The following TEX9 variants were observed in gnomAD, a reference collection of about 807,000 sequenced individuals.
TEX9 encodes the protein testis-expressed protein 9.
Under a neutral mutation model 59.6 loss-of-function variants are expected in TEX9, and 74 were observed. The ratio of observed to expected loss-of-function variants is 1.24; its 90% CI spans 1.03 to 1.51. The LOEUF (loss-of-function observed/expected upper bound fraction) is 1.51, where lower values mean the gene tolerates loss of function less well. TEX9 is among the 40% of genes most tolerant of loss of function. TEX9 has a pLI of 0.00. For missense variants in TEX9, 522 were observed against 447.8 expected, an observed-to-expected ratio of 1.17 and a Z score of -1.49; for synonymous variants, 186 against 152.2, an observed-to-expected ratio of 1.22 and a Z score of -1.64.
upstream of TEX9, among the ~76,000 whole-genome samples, chr15:56,362,089 G>A (rs2046800673): frequency 6.6e-6 from 1 of 152,128 alleles, no homozygotes; most frequent in Non-Finnish European, 1.5e-5. Flanking sequence ...TTCTAGCTTG[G>A]TGAATGTTCC....
chr15:56,389,462 T>A (rs1441963223), intron 6 of TEX9, 62 bp downstream of exon 6: 8 of 1,183,454 alleles, frequency 6.8e-6, no homozygotes, highest in Admixed American at 4.1e-5. Flanking sequence ...ATACCATCAT[T>A]CTTAATTATT....
intron 2 of TEX9, among the ~76,000 whole-genome samples, chr15:56,367,334 C>T (rs1025103556): frequency 6.6e-6 from 1 of 152,150 alleles, no homozygotes; most frequent in Admixed American, 6.5e-5. Flanking sequence ...GTCTGGCCAT[C>T]CCTGTAAGCA....
At chr15:56,259,545 G>A (rs1193028773) in intron 1 of TEX9, among the ~76,000 whole-genome samples, 1 of 151,876 alleles carries the variant, frequency 6.6e-6, no homozygotes, top group Non-Finnish European at 1.5e-5. Context: ...CATCATTGTT[G>A]TACATCAAGT....
chr15:56,378,136 G>A (rs1202712021), intron 3 of TEX9, among the ~76,000 whole-genome samples: 1 of 152,070 alleles, frequency 6.6e-6, no homozygotes, highest in Non-Finnish European at 1.5e-5. Flanking sequence ...AGTATTTTTT[G>A]AGGATTTTTG....
At chr15:56,276,685 A>G (rs1406091699) in intron 1 of TEX9, among the ~76,000 whole-genome samples, 2 of 152,176 alleles carry the variant, frequency 1.3e-5, no homozygotes, top group Non-Finnish European at 2.9e-5. Flanking sequence ...TCCTTTGAGT[A>G]TATACCCAAT....
intron 1 of TEX9, among the ~76,000 whole-genome samples, chr15:56,311,365 TC>T: frequency 7.1e-6 from 1 of 141,336 alleles, no homozygotes; most frequent in East Asian, 2.1e-4. Flanking sequence ...CATTGTTCAG[TC>T]CCCACCTATG....
intron 1 of TEX9, among the ~76,000 whole-genome samples, chr15:56,286,870 A>G (rs2044965366): frequency 1.4e-5 from 1 of 71,160 alleles, no homozygotes; most frequent in Non-Finnish European, 2.9e-5. Context: ...TGGGTTTTGC[A>G]TGTAATTTGG....
At chr15:56,446,886 C>T (rs2050908740), downstream of TEX9, 2 of 1,610,366 alleles carry the variant, frequency 1.2e-6, no homozygotes, top group African/African-American at 1.3e-5. Context: ...TCTGAGCTGC[C>T]CTTTCTTTAT....
intron 9 of TEX9, chr15:56,398,073 C>A (rs1415094830): frequency 6.6e-6 from 1 of 152,160 alleles, no homozygotes; most frequent in Admixed American, 6.5e-5. Context: ...TTTCCCCACT[C>A]ATCTAGTAAT....
At chr15:56,265,779 G>T (rs900038063) in intron 1 of TEX9, among the ~76,000 whole-genome samples, 3 of 151,822 alleles carry the variant, frequency 2.0e-5, no homozygotes, top group Non-Finnish European at 4.4e-5. Context: ...CTTGGTGAAG[G>T]TTTCATATTT....
At chr15:56,411,117 A>G (rs2140133328) in intron 9 of TEX9, among the ~76,000 whole-genome samples, 1 of 152,330 alleles carries the variant, frequency 6.6e-6, no homozygotes, top group Non-Finnish European at 1.5e-5. Flanking sequence ...TTTCAACTCT[A>G]TAATATTTAT....
At chr15:56,270,449 T>C (rs1490795483) in intron 1 of TEX9, among the ~76,000 whole-genome samples, 1 of 152,196 alleles carries the variant, frequency 6.6e-6, no homozygotes, top group Admixed American at 6.5e-5. Flanking sequence ...GTCTGTTTTA[T>C]CAGAGACCAA....
chr15:56,457,000 T>C, the TEX9 span, among the ~76,000 whole-genome samples: 2 of 152,338 alleles, frequency 1.3e-5, no homozygotes, highest in South Asian at 4.1e-4. Context: ...CATGTTCATA[T>C]TCAAGCTTTC....
At position 56,272,815 on chromosome 15, in the gene TEX9, G is replaced by C. The variant is rs755862197; in HGVS notation, c.-107+28537G>C. 4.0e-4 allele frequency among the ~76,000 whole-genome samples: 61 copies of C among 152,198 alleles called. 1 individual carries two copies. The highest frequency in any genetic ancestry group is 9.2e-4 in the Admixed American group (14 of 15,290). ...TTAAATGAAATTATTGATATTGTCAGATTTAAATCTATCATCTTGCTAGTT... is the reference window on the plus strand; with the variant it reads ...TTAAATGAAATTATTGATATTGTCACATTTAAATCTATCATCTTGCTAGTT... On this transcript the variant is annotated intron_variant, in intron 1 of 5. Coordinates refer to the TEX9 transcript ENST00000560827.
At chr15:56,392,967 T>C (rs1368628864) in intron 7 of TEX9, among the ~76,000 whole-genome samples, 2 of 152,156 alleles carry the variant, frequency 1.3e-5, no homozygotes, top group African/African-American at 2.4e-5. Context: ...GGTTTGGTTA[T>C]GTGTGGGAGA....
chr15:56,402,385 AG>A (rs2048840957), intron 9 of TEX9, among the ~76,000 whole-genome samples: 1 of 152,232 alleles, frequency 6.6e-6, no homozygotes, highest in Non-Finnish European at 1.5e-5. Flanking sequence ...TAGAAAATCT[AG>A]AAGAAATGGA....
At chr15:56,439,148 A>T (rs1188694400) in intron 12 of TEX9, among the ~76,000 whole-genome samples, 1 of 152,190 alleles carries the variant, frequency 6.6e-6, no homozygotes, top group Non-Finnish European at 1.5e-5. Context: ...GAGTACACGG[A>T]CACCAAAATA....
chr15:56,272,326 A>C (rs1180572316), intron 1 of TEX9, among the ~76,000 whole-genome samples: 1 of 152,074 alleles, frequency 6.6e-6, no homozygotes, highest in Non-Finnish European at 1.5e-5. Context: ...TTATTTCTCT[A>C]TGGATTTTCA....
Position 56,394,266 on chromosome 15 carries a change from T to G in TEX9, c.654+19T>G, listed in dbSNP as rs772154488. 1.7e-5 allele frequency: 26 copies of G among 1,568,580 alleles called. No individual in the cohort carries two copies. In the South Asian group the frequency reaches 2.6e-4, roughly 16 times the overall value. On this transcript the variant is annotated intron_variant, in intron 8 of 12. Coordinates refer to ENST00000352903, the Ensembl canonical transcript of TEX9. ...TAAAAAGGTAAGTTTTAAAAACCTC[T>G]TAAAAGGCTCTAATATTCAAAGATA...
Sources: allele counts gnomAD v4.1 joint callset (sites outside exome capture counted in the v4.1 genomes callset), GRCh38; gene constraint gnomAD v4.1.1; transcripts MANE v1.5; gene names NCBI Gene and HGNC (gene_info 2026-07-23, HGNC 2026-07-21).